The following CNTROB variants were observed in gnomAD, a reference collection of about 807,000 sequenced individuals.
CNTROB encodes the protein centrobin.
A neutral mutation model predicts 115.7 loss-of-function variants in CNTROB; 82 were observed. The ratio of observed to expected loss-of-function variants is 0.71; its 90% CI spans 0.59 to 0.85. The LOEUF is 0.85. Among genes scored for constraint, CNTROB ranks in the 40% least tolerant of loss-of-function variants. CNTROB has a pLI of 0.00. For missense variants in CNTROB, 1,014 were observed against 1,144.4 expected, an observed-to-expected ratio of 0.89 and a Z score of 1.64; for synonymous variants, 439 against 456.4, an observed-to-expected ratio of 0.96 and a Z score of 0.49.
At position 7,932,860 on chromosome 17, in the gene CNTROB, T is replaced by G. The variant is rs1972671702; in HGVS notation, c.-220T>G. 1 of 577,706 alleles carries G rather than the reference T, an allele frequency of 1.7e-6. No individual in the cohort carries two copies. The highest frequency in any genetic ancestry group is 3.1e-6 in the Non-Finnish European group (1 of 327,144). 35.8% of individuals were successfully genotyped at this position (577,706 alleles called of 1,614,324 possible). ...CCCTCTTAACGCTGTTCCCAGGAGC[T>G]GGGGAAAGGGATGCTTTTGCCCACT... On this transcript the variant is annotated 5_prime_UTR_variant, in exon 1 of 19. Transcript: ENST00000563694.
Position 7,943,322 on chromosome 17 carries a change from C to A in CNTROB, c.1312-69C>A. ...GAAAGTTGGTACTGGATTTTGTCTA[C>A]ATTATATCCTCCATCCTCTTCTAAG... On this transcript the variant is annotated intron_variant, in intron 9 of 18. Coordinates refer to ENST00000563694, the MANE Select transcript of CNTROB (RefSeq NM_053051.5). The surrounding 1 kb of genome is among the most constrained non-coding windows in gnomAD (Gnocchi z 4.7). 1 of 1,230,226 alleles carries A rather than the reference C, an allele frequency of 8.1e-7. No homozygotes were observed. Among genetic ancestry groups the A allele is most frequent in the Non-Finnish European group, 1.2e-6 (1 of 859,422 alleles). 76.2% of individuals were successfully genotyped at this position (1,230,226 alleles called of 1,614,324 possible).
chr17:7,941,483 C>T (rs906938990), intron 9 of CNTROB, among the ~76,000 whole-genome samples: 10 of 151,124 alleles, frequency 6.6e-5, no homozygotes, highest in African/African-American at 1.9e-4. Flanking sequence ...CCTGTAGTCC[C>T]GGCTACTAAG....
At chr17:7,934,024 G>T (rs774339083) in intron 1 of CNTROB, 114 bp from the exon 2 acceptor site, 18 of 769,364 alleles carry the variant, frequency 2.3e-5, no homozygotes, top group Non-Finnish European at 4.1e-5. Flanking sequence ...TCCCTTATTG[G>T]ATCCGTTTGG....
intron 18 of CNTROB, 87 bp downstream of exon 18, chr17:7,949,244 C>A: frequency 6.4e-7 from 1 of 1,563,004 alleles, no homozygotes; most frequent in South Asian, 1.1e-5. Flanking sequence ...GCTGGCCCCT[C>A]CATTCCACCC....
In CNTROB at chr17:7,943,366, G is replaced by A. The variant is rs7207022; in HGVS notation, c.1312-25G>A. Reference sequence around the variant, plus strand: ...TTCTAAGCCCAAACAGATTTGGGCCGTTATCCCACCTTCCTTCACTCCAGG... The same window carrying A: ...TTCTAAGCCCAAACAGATTTGGGCCATTATCCCACCTTCCTTCACTCCAGG... On this transcript the variant is annotated intron_variant, in intron 9 of 18. Coordinates refer to ENST00000563694, the MANE Select transcript of CNTROB (RefSeq NM_053051.5). The surrounding 1 kb of genome is among the most constrained non-coding windows in gnomAD (Gnocchi z 4.7). 755,937 of 1,589,684 alleles carry A rather than the reference G, an allele frequency of 0.48. 186,915 individuals carry two copies. Among genetic ancestry groups the A allele is most frequent in the East Asian group, 0.75 (33,244 of 44,408 alleles).
chr17:7,936,942 A>G, intron 6 of CNTROB, 125 bp downstream of exon 6: 1 of 742,912 alleles, frequency 1.3e-6, no homozygotes, highest in South Asian at 1.6e-5. Flanking sequence ...GGCTGTCCTG[A>G]CATTTCTTCT....
rs1275105289 is a variant in CNTROB at position 7,936,410 on chromosome 17, G to A, written c.639G>A (p.Glu213=). The A allele has an allele frequency of 6.4e-7, 1 of 1,571,724 alleles. No individual in the cohort carries two copies. The highest frequency in any genetic ancestry group is 1.7e-5 in the Admixed American group (1 of 59,950). The change falls in exon 5 of 19, where the codon GAG becomes GAA. Residue 213 remains glutamate, a synonymous_variant. Coordinates refer to ENST00000563694, the MANE Select transcript of CNTROB (RefSeq NM_053051.5). Reference sequence around the variant, plus strand: ...AGAGCCTGCAGACCCGAGTGTTAGAGCTACAGCAACAATTAGCCGTGGCTG... The same window carrying A: ...AGAGCCTGCAGACCCGAGTGTTAGAACTACAGCAACAATTAGCCGTGGCTG... The part of the protein sequence containing the change: ...HIQSLQTRVL[E]LQQQLAVAVA...
chr17:7,942,789 T>G (rs1248378339), intron 9 of CNTROB, among the ~76,000 whole-genome samples: 1 of 51,408 alleles, frequency 1.9e-5, no homozygotes, highest in Non-Finnish European at 4.2e-5. Flanking sequence ...CTCAGGGTAT[T>G]TTTTTTTTTT....
chr17:7,935,468 C>G (rs1263239248), intron 4 of CNTROB, among the ~76,000 whole-genome samples: 2 of 151,312 alleles, frequency 1.3e-5, no homozygotes, highest in Non-Finnish European at 2.9e-5. Context: ...TGCCGCTGCA[C>G]TCCAGCCTGG....
Position 7,948,980 on chromosome 17 carries a change from G to T in CNTROB, c.2514-105G>T. The T allele has an allele frequency of 1.3e-6, 2 of 1,597,570 alleles. No homozygotes were observed. Among genetic ancestry groups the T allele is most frequent in the South Asian group, 1.1e-5 (1 of 89,848 alleles). On this transcript the variant is annotated intron_variant, in intron 17 of 18. Transcript: ENST00000563694. This position sits in a 1 kb window ranked among gnomAD's most constrained non-coding sequence, Gnocchi z 4.4. ...GTTGATGCCCAGGTCTATCGAGTTT[G>T]ATCTTATTCTTAAGAGATAGAATTG...
Position 7,935,054 on chromosome 17 carries a change from G to GC in CNTROB, c.504dup (p.Tyr169LeufsTer33). 1 of 1,614,136 alleles carries GC rather than the reference G, an allele frequency of 6.2e-7. No homozygotes were observed. The highest frequency in any genetic ancestry group is 8.5e-7 in the Non-Finnish European group (1 of 1,180,034). ...CAAGCCCTGGAGGAGCTGTTTCCCC[G>GC]CTACACCAGCCTTCGGCCAGGGCCT... is the stretch of plus-strand genomic sequence containing the variant. On this transcript the variant is annotated frameshift_variant, in exon 4 of 19. Transcript: ENST00000563694. LOFTEE classifies it high-confidence loss of function.
chr17:7,937,927 A>G (rs1973380482), intron 7 of CNTROB, among the ~76,000 whole-genome samples: 2 of 151,756 alleles, frequency 1.3e-5, no homozygotes, highest in Admixed American at 1.3e-4. Flanking sequence ...ATTTTTTTCA[A>G]TCTGGTTTGG....
At position 7,932,344 on chromosome 17, in the gene CNTROB, A is replaced by T; in HGVS notation, c.-736A>T. The T allele has an allele frequency of 6.1e-6, 1 of 164,296 alleles. No homozygotes were observed. The highest frequency in any genetic ancestry group is 1.3e-5 in the Non-Finnish European group (1 of 75,008). The allele number at this position is 164,296 out of a possible 1,614,324, so 10.2% of individuals were successfully genotyped here. ...ACTGGAAGGGTGGAGAGTAGGCGGA[A>T]CCAGGTGGTCGTCGGGGCAGAGGAT... is the stretch of plus-strand genomic sequence containing the variant. On this transcript the variant is annotated 5_prime_UTR_variant, in exon 1 of 19. Transcript: ENST00000563694.
At chr17:7,946,007 C>T in intron 13 of CNTROB, 21 bp downstream of exon 13, 1 of 1,609,990 alleles carries the variant, frequency 6.2e-7, no homozygotes, top group African/African-American at 1.3e-5. Flanking sequence ...GCAGAAGTCA[C>T]TGGGGTTCCC....
chr17:7,934,951 C>G (rs754218767), intron 3 of CNTROB, 38 bp from the exon 4 acceptor site: 5 of 1,529,382 alleles, frequency 3.3e-6, no homozygotes, highest in Non-Finnish European at 4.4e-6. Flanking sequence ...ATTCCAAAAG[C>G]TTTCCCAGCC....
At position 7,943,918 on chromosome 17, in the gene CNTROB, C is replaced by CT. The variant is rs765939617; in HGVS notation, c.1446-203dup. Among the ~76,000 whole-genome samples, 2 of 152,220 alleles carry CT rather than the reference C, an allele frequency of 1.3e-5. No individual in the cohort carries two copies. Among genetic ancestry groups the CT allele is most frequent in the Non-Finnish European group, 2.9e-5 (2 of 68,038 alleles). On this transcript the variant is annotated intron_variant, in intron 10 of 18. Coordinates refer to ENST00000563694, the MANE Select transcript of CNTROB (RefSeq NM_053051.5). This position sits in a 1 kb window ranked among gnomAD's most constrained non-coding sequence, Gnocchi z 4.7. ...CTGCTGCCGAGATTTTCTGGAACTG[C>CT]TTCCGAAATAAATTTATTTAAGTCT...
intron 1 of CNTROB, 126 bp downstream of exon 1, chr17:7,933,475 T>A: frequency 3.9e-6 from 4 of 1,023,522 alleles, no homozygotes; most frequent in Non-Finnish European, 5.6e-6. Context: ...ATATTCCTTT[T>A]AACTGCATAG....
In CNTROB at chr17:7,936,443, CG is replaced by C; in HGVS notation, c.673del (p.Asp225ThrfsTer7). On this transcript the variant is annotated frameshift_variant, in exon 5 of 19. Transcript: ENST00000563694. LOFTEE classifies it high-confidence loss of function. Reference sequence around the variant, plus strand: ...AACAATTAGCCGTGGCTGTGGCTGCCGACCGCAAGAAAGATACCATGATTGA... The same window carrying C: ...AACAATTAGCCGTGGCTGTGGCTGCCACCGCAAGAAAGATACCATGATTGA... ...QQQLAVAVAADRKKDTMIEQL... is the reference protein window; with the variant it reads ...QQQLAVAVAAXRKKDTMIEQL... The C allele has an allele frequency of 6.4e-7, 1 of 1,553,522 alleles. No homozygotes were observed. The highest frequency in any genetic ancestry group is 8.9e-7 in the Non-Finnish European group (1 of 1,124,938).
At chr17:7,945,618 G>A (rs1208947743) in intron 12 of CNTROB, 110 bp from the exon 13 acceptor site, 3 of 1,169,440 alleles carry the variant, frequency 2.6e-6, no homozygotes, top group East Asian at 2.4e-5. Context: ...GATTACAGGT[G>A]TGAGCCACTG....
Sources: allele counts gnomAD v4.1 joint callset (sites outside exome capture counted in the v4.1 genomes callset), GRCh38; gene constraint gnomAD v4.1.1; non-coding constraint Gnocchi (gnomAD v3.1); transcripts MANE v1.5; gene names NCBI Gene and HGNC (gene_info 2026-07-23, HGNC 2026-07-21).